The following GUCY1B1 variants were observed in gnomAD, a reference collection of about 807,000 sequenced individuals.
The protein encoded by GUCY1B1 is guanylate cyclase 1 soluble subunit beta 1.
A neutral mutation model predicts 71.0 loss-of-function variants in GUCY1B1; 43 were observed. That is an observed-to-expected ratio of 0.61 (90% CI 0.47 to 0.78). The LOEUF (loss-of-function observed/expected upper bound fraction) is 0.78, where lower values mean the gene tolerates loss of function less well. GUCY1B1 is among the 30% of genes least tolerant of loss of function. GUCY1B1 has a pLI of 0.00. For synonymous variants in GUCY1B1, 266 were observed against 259.7 expected (o/e 1.02, Z -0.23); for missense variants, 535 against 754.1 (o/e 0.71, Z 3.40).
Position 155,789,776 on chromosome 4 carries a change from T to C in GUCY1B1, c.360T>C (p.Phe120=). The stretch of plus-strand genomic sequence containing the variant: ...ACCCAGGAATGCGTGCACCTTCCTT[T>C]AGGTGCACTGATGCAGAAAAGGGCA... ...TIYPGMRAPS[F]RCTDAEKGKG... is the part of the protein sequence containing the mutation. The change falls in exon 5 of 14, where the codon TTT becomes TTC. Residue 120 remains phenylalanine, a synonymous_variant. Transcript: ENST00000264424. 1 of 1,603,092 alleles carries C rather than the reference T, an allele frequency of 6.2e-7. No homozygotes were observed. The highest frequency in any genetic ancestry group is 8.5e-7 in the Non-Finnish European group (1 of 1,169,930).
At chr4:155,773,880 G>A (rs558241217) in intron 2 of GUCY1B1, among the ~76,000 whole-genome samples, 2 of 152,196 alleles carry the variant, frequency 1.3e-5, no homozygotes, top group African/African-American at 4.8e-5. Flanking sequence ...GCAGAGAGAC[G>A]GTTTCACCGT....
At chr4:155,800,108 T>A in intron 9 of GUCY1B1, 34 bp downstream of exon 9, 1 of 1,413,230 alleles carries the variant, frequency 7.1e-7, no homozygotes, top group South Asian at 1.3e-5. Context: ...CTACTGTTAT[T>A]CATAACATAA....
intron 2 of GUCY1B1, 96 bp downstream of exon 2, chr4:155,759,956 C>T: frequency 5.8e-6 from 5 of 863,334 alleles, no homozygotes; most frequent in Admixed American, 2.2e-5. Flanking sequence ...GGCCGGGTCG[C>T]GGGCGCGCAT....
At chr4:155,771,704 A>C (rs1038798793) in intron 2 of GUCY1B1, among the ~76,000 whole-genome samples, 1 of 152,160 alleles carries the variant, frequency 6.6e-6, no homozygotes, top group African/African-American at 2.4e-5. Flanking sequence ...CATTCCTAAG[A>C]ATTTGTTCTG....
Position 155,759,878 on chromosome 4 carries a change from C to G in GUCY1B1, c.77+18C>G, listed in dbSNP as rs1217093386. ...GACATCAAGTAAGTGGCCGGCTACC[C>G]TGGCTGTGGCCCAGGTCGGCGCCCA... is the stretch of plus-strand genomic sequence containing the variant. On this transcript the variant is annotated intron_variant, in intron 2 of 13. Coordinates refer to ENST00000264424, the MANE Select transcript of GUCY1B1 (RefSeq NM_000857.5). 2 of 1,596,850 alleles carry G rather than the reference C, an allele frequency of 1.3e-6. No homozygotes were observed. The highest frequency in any genetic ancestry group is 2.7e-5 in the African/African-American group (2 of 74,436).
chr4:155,767,145 A>G (rs1263026028), intron 2 of GUCY1B1, among the ~76,000 whole-genome samples: 1 of 152,208 alleles, frequency 6.6e-6, no homozygotes, highest in East Asian at 1.9e-4. Context: ...CCAAAGAGAA[A>G]GACCTATAAC....
chr4:155,777,261 C>T (rs1015177921), intron 3 of GUCY1B1, among the ~76,000 whole-genome samples: 2 of 152,150 alleles, frequency 1.3e-5, no homozygotes, highest in African/African-American at 4.8e-5. Context: ...ATTAGGTATG[C>T]TCCACTTATA....
intron 4 of GUCY1B1, among the ~76,000 whole-genome samples, chr4:155,786,107 G>GC (rs143304839): frequency 0.17 from 25,324 of 151,472 alleles, 2,151 homozygotes; most frequent in Middle Eastern, 0.28. Context: ...ATTGCCTTAT[G>GC]CCATCTGCTT....
chr4:155,789,343 T>C (rs1249322630), intron 4 of GUCY1B1, among the ~76,000 whole-genome samples: 1 of 152,182 alleles, frequency 6.6e-6, no homozygotes, highest in East Asian at 1.9e-4. Context: ...CCTTTGGCCA[T>C]TCCCTGTTGT....
intron 2 of GUCY1B1, among the ~76,000 whole-genome samples, chr4:155,767,011 C>T (rs1737381443): frequency 6.6e-6 from 1 of 152,096 alleles, no homozygotes; most frequent in Non-Finnish European, 1.5e-5. Context: ...CTTCATTATC[C>T]TCATTTTGCA....
intron 2 of GUCY1B1, among the ~76,000 whole-genome samples, chr4:155,763,364 C>T (rs1273772570): frequency 1.3e-5 from 2 of 152,052 alleles, no homozygotes; most frequent in East Asian, 1.9e-4. Flanking sequence ...TTTAACCTCA[C>T]TGAAACATAC....
At chr4:155,759,763 T>C in intron 1 of GUCY1B1, 24 bp from the exon 2 acceptor site, 1 of 1,592,266 alleles carries the variant, frequency 6.3e-7, no homozygotes, top group Non-Finnish European at 8.6e-7. Flanking sequence ...TCCCTGACGC[T>C]CAAGTCTCTC....
chr4:155,799,902 A>C lies in GUCY1B1; in HGVS notation c.1003A>C (p.Arg335=), dbSNP rs1446290694. ...PSVMNLDDLT[R]RGLYLSDIPL... ...TGTCATGAACCTGGACGATTTGACA[A>C]GGAGAGGGCTGTATCTAAGTGACAT... Residue 335 remains arginine (R), a synonymous_variant, in exon 9 of 14, where the codon AGG becomes CGG. Coordinates refer to ENST00000264424, the MANE Select transcript of GUCY1B1 (RefSeq NM_000857.5). 4.3e-6 allele frequency: 7 copies of C among 1,611,030 alleles called. No individual in the cohort carries two copies. The East Asian group carries it at 1.1e-4, about 26-fold the overall frequency.
intron 2 of GUCY1B1, among the ~76,000 whole-genome samples, chr4:155,767,968 T>C (rs1255720101): frequency 6.6e-6 from 1 of 152,186 alleles, no homozygotes; most frequent in Non-Finnish European, 1.5e-5. Context: ...TTCTAGGATT[T>C]ATTATCAAAA....
chr4:155,807,222 AC>A lies in GUCY1B1; in HGVS notation c.*815del, dbSNP rs1740377290. The A allele has an allele frequency of 6.6e-6, 1 of 152,164 alleles. No individual in the cohort carries two copies. The highest frequency in any genetic ancestry group is 2.4e-5 in the African/African-American group (1 of 41,448). The allele number at this position is 152,164 out of a possible 1,614,324, so 9.4% of individuals were successfully genotyped here. The stretch of plus-strand genomic sequence containing the variant: ...TTCAGGCTAAATGTTGGGAGCTCCA[AC>A]CACATCCAAGAATAAATCTGGAAAC... On this transcript the variant is annotated 3_prime_UTR_variant, in exon 14 of 14. Transcript: ENST00000264424.
chr4:155,800,545 G>A (rs756514927), intron 9 of GUCY1B1, among the ~76,000 whole-genome samples: 2 of 152,108 alleles, frequency 1.3e-5, no homozygotes, highest in Non-Finnish European at 2.9e-5. Flanking sequence ...AGAAAGAAAT[G>A]AATCTGACAA....
At chr4:155,785,736 A>C (rs967796602) in intron 4 of GUCY1B1, among the ~76,000 whole-genome samples, 17 of 152,216 alleles carry the variant, frequency 1.1e-4, no homozygotes, top group African/African-American at 4.1e-4. Context: ...ATTTTGAAAG[A>C]GTAAAGCCAA....
chr4:155,759,264 C>T, intron 1 of GUCY1B1, 121 bp downstream of exon 1: 1 of 967,664 alleles, frequency 1.0e-6, no homozygotes, highest in South Asian at 1.6e-5. Flanking sequence ...CTGCCGGCCA[C>T]GGGAGCAGCC....
At chr4:155,784,791 G>T (rs1033377951) in intron 4 of GUCY1B1, among the ~76,000 whole-genome samples, 4 of 152,132 alleles carry the variant, frequency 2.6e-5, no homozygotes, top group African/African-American at 7.2e-5. Flanking sequence ...AGATGTCCTT[G>T]AAACAGGAAA....
Sources: allele counts gnomAD v4.1 joint callset (sites outside exome capture counted in the v4.1 genomes callset), GRCh38; gene constraint gnomAD v4.1.1; transcripts MANE v1.5; gene names NCBI Gene and HGNC (gene_info 2026-07-23, HGNC 2026-07-21).